Variants in MATN4 observed in about 807,000 individuals in gnomAD.
MATN4 encodes the protein matrilin-4.
Under a neutral mutation model 54.6 loss-of-function variants are expected in MATN4, and 40 were observed. That is an observed-to-expected ratio of 0.73 (90% CI 0.57 to 0.95). MATN4 has a LOEUF of 0.95. MATN4 is among the 40% of genes least tolerant of loss of function. The probability of loss-of-function intolerance (pLI) is 0.00; values close to 1 mark genes in which losing one functional copy is unlikely to be tolerated. For missense variants in MATN4, 810 were observed against 819.1 expected, an observed-to-expected ratio of 0.99 and a Z score of 0.13; for synonymous variants, 351 against 345.3, an observed-to-expected ratio of 1.02 and a Z score of -0.18.
intron 6 of MATN4, among the ~76,000 whole-genome samples, chr20:45,299,983 GTGTGT>G (rs1389208473): frequency 9.4e-5 from 6 of 63,656 alleles, no homozygotes; most frequent in African/African-American, 1.4e-4. Flanking sequence ...GTGTAGGGGT[GTGTGT>G]GTGTGTGTGT....
intron 3 of MATN4, 66 bp downstream of exon 3, chr20:45,304,162 G>A: frequency 7.4e-7 from 1 of 1,358,810 alleles, no homozygotes; most frequent in Non-Finnish European, 9.8e-7. Flanking sequence ...ATTTACTGTG[G>A]TGGGAAAGGA....
intron 8 of MATN4, among the ~76,000 whole-genome samples, chr20:45,294,448 A>G (rs1291997739): frequency 6.6e-6 from 1 of 152,212 alleles, no homozygotes; most frequent in African/African-American, 2.4e-5. Context: ...TGGTCTGTGG[A>G]CCACACTTTG....
chr20:45,304,086 G>A, intron 3 of MATN4, 142 bp downstream of exon 3: 1 of 627,088 alleles, frequency 1.6e-6, no homozygotes, highest in East Asian at 3.3e-5. Context: ...GCTGAAATCT[G>A]ACACAGCCTG....
chr20:45,306,835 G>A (rs1600705997), intron 1 of MATN4: 7 of 1,013,034 alleles, frequency 6.9e-6, no homozygotes, highest in African/African-American at 1.7e-5. Flanking sequence ...AAGAGCCGAG[G>A]AGCAGGGGTG....
intron 3 of MATN4, among the ~76,000 whole-genome samples, chr20:45,304,002 G>A (rs1234544761): frequency 2.6e-5 from 4 of 152,176 alleles, no homozygotes; most frequent in Non-Finnish European, 4.4e-5. Flanking sequence ...TTAAGCCTGT[G>A]GTAAGCTGTG....
intron 8 of MATN4, among the ~76,000 whole-genome samples, chr20:45,295,848 A>G (rs77729185): frequency 0.25 from 38,245 of 152,132 alleles, 5,015 homozygotes; most frequent in Admixed American, 0.33. Context: ...TTAGCAGTAC[A>G]TAAGGTAGTG....
chr20:45,301,066 T>C (rs371297333), intron 5 of MATN4, 36 bp downstream of exon 5: 32 of 1,610,142 alleles, frequency 2.0e-5, no homozygotes, highest in Non-Finnish European at 2.6e-5. Context: ...CTAAGATCTC[T>C]TACCCCTCCC....
In MATN4 at chr20:45,293,706, C is replaced by T. The variant is rs1402720677; in HGVS notation, c.*61G>A. ...CTGCCTGGCCCCGGCGCACCGATGG[C>T]GCGCAAGGGGCACCGTCCGTGGTGC... On this transcript the variant is annotated 3_prime_UTR_variant, in exon 10 of 10. Transcript: ENST00000372756. 1.4e-6 allele frequency: 2 copies of T among 1,457,768 alleles called. No homozygotes were observed. Among genetic ancestry groups the T allele is most frequent in the East Asian group, 2.5e-5 (1 of 40,808 alleles). The allele number at this position is 1,457,768 out of a possible 1,614,324, so 90.3% of individuals were successfully genotyped here. A position where few individuals can be genotyped will look rare whatever the true frequency, so the allele number is the denominator to read the frequency against.
At chr20:45,297,526 G>A (rs531655973) in intron 8 of MATN4, among the ~76,000 whole-genome samples, 74 of 152,234 alleles carry the variant, frequency 4.9e-4, no homozygotes, top group Admixed American at 9.2e-4. Context: ...CAAGTTCAGG[G>A]ATATATGCTG....
chr20:45,303,506 C>A, intron 3 of MATN4: 5 of 712,684 alleles, frequency 7.0e-6, no homozygotes, highest in Non-Finnish European at 1.3e-5. Context: ...GCACACTGGT[C>A]CTTCCCTGAG....
intron 8 of MATN4, among the ~76,000 whole-genome samples, chr20:45,296,214 C>CAAAAAAAAA (rs71181820): frequency 5.6e-5 from 2 of 35,492 alleles, no homozygotes; most frequent in Admixed American, 4.1e-4. Context: ...GACTCCATCT[C>CAAAAAAAAA]AAAAAAAAAA....
rs1198856594 is a variant in MATN4, at chr20:45,304,377, C to T, written c.494G>A (p.Gly165Asp). The T allele has an allele frequency of 6.7e-7, 1 of 1,502,150 alleles. No individual in the cohort carries two copies. The highest frequency in any genetic ancestry group is 8.9e-7 in the Non-Finnish European group (1 of 1,125,882). 93.1% of individuals were successfully genotyped at this position (1,502,150 alleles called of 1,614,324 possible). The change falls in exon 3 of 10, where the codon GGC (glycine) becomes GAC (aspartate). Residue 165 changes from glycine to aspartate, a missense_variant. Physicochemically the swap from Gly to Asp is moderately conservative, Grantham distance 94. Coordinates refer to ENST00000372756, the MANE Select transcript of MATN4 (RefSeq NM_001393530.1). ...AEVAAQARARGIEIYAVGVQR... is the reference protein window; with the variant it reads ...AEVAAQARARDIEIYAVGVQR... ...CACCCCCACCGCGTAAATTTCAATG[C>T]CGCGGGCGCGCGCCTGTGCCGCCAC...
intron 8 of MATN4, 56 bp from the exon 9 acceptor site, chr20:45,294,071 T>A: frequency 7.1e-7 from 1 of 1,404,232 alleles, no homozygotes; most frequent in Non-Finnish European, 9.9e-7. Context: ...GCTTTGGCCC[T>A]CTGATTTCCC....
intron 8 of MATN4, among the ~76,000 whole-genome samples, chr20:45,295,827 CAT>C (rs886463465): frequency 3.3e-5 from 5 of 152,148 alleles, no homozygotes; most frequent in Admixed American, 1.3e-4. Flanking sequence ...AAAACTGGCA[CAT>C]GTTTTTTCTT....
chr20:45,296,612 T>G (rs1985852690), intron 8 of MATN4, among the ~76,000 whole-genome samples: 1 of 151,812 alleles, frequency 6.6e-6, no homozygotes, highest in African/African-American at 2.4e-5. Context: ...AAGAGAAAAG[T>G]TAAGGTAGGT....
At position 45,297,877 on chromosome 20, in the gene MATN4, G is replaced by A. The variant is rs746382076; in HGVS notation, c.1579+41C>T. ...AGGAAGGGGAGATATCAGAGGACGG[G>A]CAATGAGAGAGAGGAGGAGCCCCGA... is the stretch of plus-strand genomic sequence containing the variant. On this transcript the variant is annotated intron_variant, in intron 8 of 9. Coordinates refer to ENST00000372756, the MANE Select transcript of MATN4 (RefSeq NM_001393530.1). 4.3e-6 allele frequency: 7 copies of A among 1,609,914 alleles called. No homozygotes were observed. The South Asian group carries it at 4.4e-5, about 10-fold the overall frequency.
At position 45,304,766 on chromosome 20, in the gene MATN4, C is replaced by T; in HGVS notation, c.105G>A (p.Leu35=). 1.9e-6 allele frequency: 3 copies of T among 1,594,086 alleles called. No homozygotes were observed. Among genetic ancestry groups the T allele is most frequent in the Non-Finnish European group, 2.6e-6 (3 of 1,165,472 alleles). The change falls in exon 3 of 10, where the codon CTG becomes CTA. Residue 35 remains leucine, a synonymous_variant. Transcript: ENST00000372756. ...TGCGGGAGCTGTCAATCACGAACAC[C>T]AGATCCAGGGGCCCAGTGTGACACC... The part of the protein sequence containing the change: ...GPRCHTGPLD[L]VFVIDSSRSV...
intron 1 of MATN4, among the ~76,000 whole-genome samples, chr20:45,307,150 C>A (rs1296896029): frequency 6.6e-6 from 1 of 152,172 alleles, no homozygotes; most frequent in East Asian, 1.9e-4. Flanking sequence ...CACTAAACCT[C>A]ATTTCCTTCC....
chr20:45,308,107 C>G, intron 1 of MATN4, 68 bp downstream of exon 1: 3 of 1,485,048 alleles, frequency 2.0e-6, no homozygotes, highest in East Asian at 2.3e-5. Flanking sequence ...CTAAAATACA[C>G]TCGCCTGACC....
Sources: gnomAD v4.1 joint callset for allele counts (sites outside exome capture counted in the v4.1 genomes callset) on GRCh38, gnomAD v4.1.1 for gene constraint, MANE v1.5 for transcripts, NCBI Gene and HGNC (gene_info 2026-07-23, HGNC 2026-07-21) for gene names.